RNF24: variants seen among roughly 807,000 people sequenced by gnomAD.
The protein encoded by RNF24 is ring finger protein 24.
RNF24 carries 14 observed loss-of-function variants against 20.0 expected under a neutral mutation model. That is an observed-to-expected ratio of 0.70 (90% CI 0.46 to 1.10). The LOEUF is 1.10. RNF24 is among the 50% of genes least tolerant of loss of function. The pLI, the probability that RNF24 is intolerant of heterozygous loss-of-function variation, is 0.00. For missense variants in RNF24, 124 were observed against 177.6 expected, an observed-to-expected ratio of 0.70 and a Z score of 1.71; for synonymous variants, 45 against 61.1, an observed-to-expected ratio of 0.74 and a Z score of 1.23.
intron 2 of RNF24, among the ~76,000 whole-genome samples, chr20:3,949,317 T>A (rs1009595934): frequency 6.7e-6 from 1 of 148,470 alleles, no homozygotes; most frequent in Non-Finnish European, 1.5e-5. Context: ...GAGGCGGAGG[T>A]TGCAGTGAGC....
At chr20:3,994,905 A>G (rs1980739336) in intron 1 of RNF24, among the ~76,000 whole-genome samples, 1 of 152,256 alleles carries the variant, frequency 6.6e-6, no homozygotes, top group African/African-American at 2.4e-5. Context: ...AGTAAACCAC[A>G]AGCACTTCTA....
At chr20:3,999,493 G>A (rs1981203876) in intron 1 of RNF24, among the ~76,000 whole-genome samples, 1 of 152,128 alleles carries the variant, frequency 6.6e-6, no homozygotes, top group Admixed American at 6.5e-5. Flanking sequence ...AGTGGCTCAC[G>A]CCTGTAATTC....
chr20:3,974,287 T>C (rs1293436160), intron 1 of RNF24: 7 of 1,539,796 alleles, frequency 4.5e-6, no homozygotes, highest in African/African-American at 1.4e-5. Flanking sequence ...CAACAAAAAC[T>C]GTACAGCTAA....
chr20:3,987,207 CAGA>C (rs1257688672), intron 1 of RNF24, among the ~76,000 whole-genome samples: 2 of 152,072 alleles, frequency 1.3e-5, no homozygotes, highest in African/African-American at 4.8e-5. Flanking sequence ...GATGCAGAGA[CAGA>C]AGGAGGATGA....
intron 1 of RNF24, among the ~76,000 whole-genome samples, chr20:4,007,384 A>G (rs1981960189): frequency 1.3e-5 from 2 of 152,148 alleles, no homozygotes; most frequent in African/African-American, 4.8e-5. Context: ...ACTGCTACAT[A>G]TATTTACCCT....
intron 1 of RNF24, among the ~76,000 whole-genome samples, chr20:3,992,662 T>C (rs114349151): frequency 0.011 from 1,720 of 152,080 alleles, 39 homozygotes; most frequent in African/African-American, 0.04. Context: ...AGACTGGACA[T>C]TGTATCTCTC....
At chr20:3,973,346 A>G (rs1272325926) in intron 1 of RNF24, among the ~76,000 whole-genome samples, 3 of 152,154 alleles carry the variant, frequency 2.0e-5, no homozygotes, top group African/African-American at 7.2e-5. Context: ...AAACTCCTAC[A>G]TCAAGAACCC....
chr20:3,941,916 A>G (rs576669880), intron 4 of RNF24, among the ~76,000 whole-genome samples: 1 of 152,052 alleles, frequency 6.6e-6, no homozygotes, highest in South Asian at 2.1e-4. Context: ...TCTACTAAAA[A>G]TACAAAAATT....
intron 4 of RNF24, among the ~76,000 whole-genome samples, chr20:3,936,973 A>C (rs915732265): frequency 6.6e-6 from 1 of 152,090 alleles, no homozygotes; most frequent in Non-Finnish European, 1.5e-5. Flanking sequence ...AATAGCTGGG[A>C]CTACAGGTGC....
chr20:4,007,387 T>C (rs1385195409), intron 1 of RNF24, among the ~76,000 whole-genome samples: 1 of 152,114 alleles, frequency 6.6e-6, no homozygotes, highest in Non-Finnish European at 1.5e-5. Context: ...GCTACATATA[T>C]TTACCCTCCC....
rs535821402 is a variant in RNF24 at position 4,000,296 on chromosome 20, G to A, written c.-8+15141C>T. 2.0e-5 allele frequency among the ~76,000 whole-genome samples: 3 copies of A among 152,312 alleles called. No individual in the cohort carries two copies. In the South Asian group the frequency reaches 6.2e-4, roughly 32 times the overall value. Reference sequence around the variant, plus strand: ...CCCAGCACTTTGGGAGGCCGAGGTGGGTGGGTCACCTGAGGTCAGGAGTTT... The same window carrying A: ...CCCAGCACTTTGGGAGGCCGAGGTGAGTGGGTCACCTGAGGTCAGGAGTTT... On this transcript the variant is annotated intron_variant, in intron 1 of 5. Transcript: ENST00000358395.
chr20:3,994,651 T>C (rs1044077269), intron 1 of RNF24, among the ~76,000 whole-genome samples: 2 of 152,156 alleles, frequency 1.3e-5, no homozygotes, highest in African/African-American at 2.4e-5. Flanking sequence ...CTGGGAAAGG[T>C]GACGAGTCTT....
chr20:3,980,892 C>A (rs76462585), intron 1 of RNF24, among the ~76,000 whole-genome samples: 1 of 150,760 alleles, frequency 6.6e-6, no homozygotes. Flanking sequence ...CATTCTTACA[C>A]GGCAAAAACA....
chr20:3,937,047 C>T (rs2090899684), intron 4 of RNF24, among the ~76,000 whole-genome samples: 1 of 152,102 alleles, frequency 6.6e-6, no homozygotes, highest in African/African-American at 2.4e-5. Flanking sequence ...CCATGTTGGC[C>T]AAGATGCTCT....
At chr20:3,976,341 T>C (rs1978866214) in intron 1 of RNF24, among the ~76,000 whole-genome samples, 1 of 152,216 alleles carries the variant, frequency 6.6e-6, no homozygotes. Flanking sequence ...AAATTAAACC[T>C]ATCAGAATTG....
At position 3,932,031 on chromosome 20, in the gene RNF24, G is replaced by A. The variant is rs1285767343; in HGVS notation, c.*2032C>T. 6.6e-6 allele frequency: 1 copy of A among 152,188 alleles called. No individual in the cohort carries two copies. Among genetic ancestry groups the A allele is most frequent in the Non-Finnish European group, 1.5e-5 (1 of 68,030 alleles). 9.4% of individuals were successfully genotyped at this position (152,188 alleles called of 1,614,324 possible). ...TGGGAGAATCCTATAAAAGCTGTGA[G>A]CAGCAATAATTTGCAGTATTGATCA... is the stretch of plus-strand genomic sequence containing the variant. On this transcript the variant is annotated 3_prime_UTR_variant, in exon 6 of 6. Coordinates refer to ENST00000358395, the MANE Select transcript of RNF24 (RefSeq NM_001134337.3).
rs1433177622 is a variant in RNF24, at chr20:3,963,945, A to G, written c.73T>C (p.Tyr25His). 3 of 1,612,850 alleles carry G rather than the reference A, an allele frequency of 1.9e-6. No homozygotes were observed. Among genetic ancestry groups the G allele is most frequent in the Admixed American group, 1.7e-5 (1 of 59,976 alleles). Residue 25 changes from tyrosine (Y) to histidine (H), a missense_variant, in exon 2 of 6, where the codon TAT becomes CAT. Transcript: ENST00000358395. Reference protein sequence around the residue: ...IGFQNLPLNIYIVVFGTAIFV... With the variant: ...IGFQNLPLNIHIVVFGTAIFV... ...ATAGCAGTACCAAAAACCACAATAT[A>G]TATGTTGAGAGGCAGATTCTGGAAT...
chr20:3,967,717 C>A (rs1257537587), intron 1 of RNF24, among the ~76,000 whole-genome samples: 1 of 152,102 alleles, frequency 6.6e-6, no homozygotes, highest in Non-Finnish European at 1.5e-5. Flanking sequence ...TCAGAAGTGC[C>A]GGGTGCAGTG....
Position 3,935,059 on chromosome 20 carries a change from GCA to G in RNF24, c.241_242del (p.Cys81ProfsTer9). ...ELNLHELCAVCLEDFKPRDEL... is the reference protein window; with the variant it reads ...ELNLHELCAVXLEDFKPRDEL... ...CATCTCGAGGCTTGAAGTCTTCTAG[GCA>G]CACTGCACAGAGCTGAAAGACAAAT... On this transcript the variant is annotated frameshift_variant, in exon 5 of 6. Transcript: ENST00000358395. LOFTEE classifies it high-confidence loss of function. 1 of 1,613,848 alleles carries G rather than the reference GCA, an allele frequency of 6.2e-7. No homozygotes were observed. The highest frequency in any genetic ancestry group is 8.5e-7 in the Non-Finnish European group (1 of 1,179,842).
Sources: gnomAD v4.1 joint callset for allele counts (sites outside exome capture counted in the v4.1 genomes callset) on GRCh38, gnomAD v4.1.1 for gene constraint, MANE v1.5 for transcripts, NCBI Gene and HGNC (gene_info 2026-07-23, HGNC 2026-07-21) for gene names.